PLEKHH3: variants seen among roughly 807,000 people sequenced by gnomAD.
PLEKHH3 encodes the protein pleckstrin homology domain-containing family H member 3.
PLEKHH3 carries 57 observed loss-of-function variants against 77.8 expected under a neutral mutation model. That is an observed-to-expected ratio of 0.73 (90% CI 0.59 to 0.91). The LOEUF (loss-of-function observed/expected upper bound fraction) is 0.91, where lower values mean the gene tolerates loss of function less well. PLEKHH3 is among the 40% of genes least tolerant of loss of function. PLEKHH3 has a pLI of 0.00. For missense variants in PLEKHH3, 1,082 were observed against 1,091.2 expected (o/e 0.99, Z 0.12); for synonymous variants, 467 against 504.8 (o/e 0.93, Z 1.00).
At position 42,676,234 on chromosome 17, in the gene PLEKHH3, G is replaced by A; in HGVS notation, c.162+168C>T. ...AGGCCCACAGGCACATCCCGAGTAG[G>A]GCTGCTGCTCCGAGAGCTCCCGGGG... On this transcript the variant is annotated intron_variant, in intron 1 of 12. Coordinates refer to ENST00000591022, the MANE Select transcript of PLEKHH3 (RefSeq NM_024927.5). This position sits in a 1 kb window ranked among gnomAD's most constrained non-coding sequence, Gnocchi z 6.6. 7.2e-7 allele frequency: 1 copy of A among 1,397,720 alleles called. No individual in the cohort carries two copies. The allele number at this position is 1,397,720 out of a possible 1,614,324, so 86.6% of individuals were successfully genotyped here. A position where few individuals can be genotyped will look rare whatever the true frequency, so the allele number is the denominator to read the frequency against.
Position 42,676,758 on chromosome 17 carries a change from T to G in PLEKHH3, c.-195A>C. 3.3e-6 allele frequency: 2 copies of G among 608,284 alleles called. No homozygotes were observed. The highest frequency in any genetic ancestry group is 5.8e-6 in the Non-Finnish European group (2 of 346,262). The allele number at this position is 608,284 out of a possible 1,614,324, so 37.7% of individuals were successfully genotyped here. On this transcript the variant is annotated 5_prime_UTR_variant, in exon 1 of 13. Coordinates refer to ENST00000591022, the MANE Select transcript of PLEKHH3 (RefSeq NM_024927.5). The surrounding 1 kb of genome is among the most constrained non-coding windows in gnomAD (Gnocchi z 6.6). ...TAGCCAGACGCTGAGGGGGGCTCAG[T>G]GTCTGGGCCCCCGGAGGGGGGAGGG...
chr17:42,672,041 G>A (rs1460784566), intron 7 of PLEKHH3, 45 bp downstream of exon 7: 1 of 1,409,464 alleles, frequency 7.1e-7, no homozygotes, highest in African/African-American at 1.5e-5. Flanking sequence ...CTCCCAGCCC[G>A]GTAGCTCCTC....
intron 1 of PLEKHH3, among the ~76,000 whole-genome samples, chr17:42,675,571 G>A (rs188591421): frequency 8.7e-4 from 132 of 152,248 alleles, no homozygotes; most frequent in African/African-American, 3.1e-3. Context: ...CGCCGGCCCC[G>A]GCGGCGCAGC....
Position 42,669,563 on chromosome 17 carries a change from G to C in PLEKHH3, c.2072C>G (p.Ser691Cys), listed in dbSNP as rs1290744101. The part of the protein sequence containing the change: ...LCLGLGAKAM[S>C]LSRPGETEPI... Reference sequence around the variant, plus strand: ...CTCCGTCTCCCCTGGCCGGGAGAGGGACATGGCCTTGGCTCCCAAGCCCAG... The same window carrying C: ...CTCCGTCTCCCCTGGCCGGGAGAGGCACATGGCCTTGGCTCCCAAGCCCAG... Residue 691 changes from serine to cysteine, a missense_variant, in exon 12 of 13, where the codon TCC becomes TGC. By Grantham distance (112) the Ser-to-Cys change is moderately radical. This residue lies in a region of PLEKHH3 where 733 missense variants were observed against 750.0 expected (regional missense o/e 0.98). Coordinates refer to ENST00000591022, the MANE Select transcript of PLEKHH3 (RefSeq NM_024927.5). 3 of 1,611,898 alleles carry C rather than the reference G, an allele frequency of 1.9e-6. No homozygotes were observed. In the African/African-American group the frequency reaches 4.0e-5, roughly 22 times the overall value.
At chr17:42,674,182 C>T (rs1472650396) in intron 2 of PLEKHH3, among the ~76,000 whole-genome samples, 169 bp from the exon 3 acceptor site, 2 of 152,298 alleles carry the variant, frequency 1.3e-5, no homozygotes, top group African/African-American at 2.4e-5. Context: ...CCCCGACCCC[C>T]CTCTTTCTCC....
Position 42,676,287 on chromosome 17 carries a change from C to T in PLEKHH3, c.162+115G>A, listed in dbSNP as rs950886031. ...TTTGGCCCCCAGGCAAAAAACTCTC[C>T]CTCATCCCTAGTTCGCCAAGCGCGC... is the stretch of plus-strand genomic sequence containing the variant. On this transcript the variant is annotated intron_variant, in intron 1 of 12. Transcript: ENST00000591022. This position sits in a 1 kb window ranked among gnomAD's most constrained non-coding sequence, Gnocchi z 6.6. 2.6e-6 allele frequency: 4 copies of T among 1,519,420 alleles called. No homozygotes were observed. Among genetic ancestry groups the T allele is most frequent in the Non-Finnish European group, 3.5e-6 (4 of 1,135,128 alleles). 94.1% of individuals were successfully genotyped at this position (1,519,420 alleles called of 1,614,324 possible). A position where few individuals can be genotyped will look rare whatever the true frequency, so the allele number is the denominator to read the frequency against.
chr17:42,676,364 G>A lies in PLEKHH3; in HGVS notation c.162+38C>T, dbSNP rs1259318251. 6.2e-7 allele frequency: 1 copy of A among 1,609,792 alleles called. No homozygotes were observed. The highest frequency in any genetic ancestry group is 2.2e-5 in the East Asian group (1 of 44,812). Reference sequence around the variant, plus strand: ...TCAGCGTGACGGCCGGTTACAGCGAGAGTGATTGAGACGAGGCTCCGAACC... The same window carrying A: ...TCAGCGTGACGGCCGGTTACAGCGAAAGTGATTGAGACGAGGCTCCGAACC... On this transcript the variant is annotated intron_variant, in intron 1 of 12. Coordinates refer to ENST00000591022, the MANE Select transcript of PLEKHH3 (RefSeq NM_024927.5). This position sits in a 1 kb window ranked among gnomAD's most constrained non-coding sequence, Gnocchi z 6.6.
At chr17:42,674,626 A>G (rs1414424319) in intron 1 of PLEKHH3, 4 of 420,094 alleles carry the variant, frequency 9.5e-6, no homozygotes, top group African/African-American at 6.1e-5. Flanking sequence ...TAAGGAGCCA[A>G]GGCTCCTCTC....
intron 12 of PLEKHH3, 129 bp from the exon 13 acceptor site, chr17:42,668,432 C>A: frequency 3.0e-6 from 2 of 671,866 alleles, no homozygotes; most frequent in East Asian, 6.6e-5. Flanking sequence ...TGCAACCTTT[C>A]CTTCCTTATC....
rs927531288 is a variant in PLEKHH3 at position 42,676,618 on chromosome 17, G to T, written c.-55C>A. ...GGCAGCCGCGGCCGAGCAGTAGGGG[G>T]TCGGAGGAACTGGCGGGGCTCCGAC... On this transcript the variant is annotated 5_prime_UTR_variant, in exon 1 of 13. Transcript: ENST00000591022. The surrounding 1 kb of genome is among the most constrained non-coding windows in gnomAD (Gnocchi z 6.6). 1 of 1,517,570 alleles carries T rather than the reference G, an allele frequency of 6.6e-7. No homozygotes were observed. The highest frequency in any genetic ancestry group is 8.9e-7 in the Non-Finnish European group (1 of 1,127,280). The allele number at this position is 1,517,570 out of a possible 1,614,324, so 94.0% of individuals were successfully genotyped here.
chr17:42,670,794 G>T, intron 9 of PLEKHH3, 89 bp from the exon 10 acceptor site: 3 of 1,530,412 alleles, frequency 2.0e-6, no homozygotes, highest in South Asian at 2.5e-5. Flanking sequence ...CATGTGTTTG[G>T]GGCGGGGCCT....
chr17:42,673,647 C>T lies in PLEKHH3; in HGVS notation c.486G>A (p.Glu162=), dbSNP rs758427830. The T allele has an allele frequency of 6.2e-6, 10 of 1,602,342 alleles. No individual in the cohort carries two copies. In the East Asian group the frequency reaches 1.8e-4, roughly 29 times the overall value. Residue 162 remains glutamate, a synonymous_variant, in exon 4 of 13, where the codon GAG becomes GAA. Coordinates refer to ENST00000591022, the MANE Select transcript of PLEKHH3 (RefSeq NM_024927.5). ...AGAGTCCCCAGGAGGTCTCACCTGT[C>T]TCCTTACGCCTGCGCTCTGGGCCGG... ...SVTGPERRRK[E]TGLWSVTVSG...
Position 42,668,162 on chromosome 17 carries a change from C to G in PLEKHH3, c.2347G>C (p.Gly783Arg), listed in dbSNP as rs1379070795. Residue 783 changes from glycine (G) to arginine (R), a missense_variant, in exon 13 of 13, where the codon GGA (glycine) becomes CGA (arginine). By Grantham distance (125) the Gly-to-Arg change is moderately radical. Coordinates refer to ENST00000591022, the MANE Select transcript of PLEKHH3 (RefSeq NM_024927.5). Reference protein sequence around the residue: ...SQRPGLDEPQGQSGCLGQLQD With the variant: ...SQRPGLDEPQRQSGCLGQLQD Reference sequence around the variant, plus strand: ...AGCTGCCCCAAGCAGCCAGACTGTCCCTGGGGCTCGTCCAGGCCCGGGCGC... The same window carrying G: ...AGCTGCCCCAAGCAGCCAGACTGTCGCTGGGGCTCGTCCAGGCCCGGGCGC... 1 of 1,505,468 alleles carries G rather than the reference C, an allele frequency of 6.6e-7. No individual in the cohort carries two copies. The highest frequency in any genetic ancestry group is 8.8e-7 in the Non-Finnish European group (1 of 1,134,932). 93.3% of individuals were successfully genotyped at this position (1,505,468 alleles called of 1,614,324 possible).
intron 11 of PLEKHH3, 74 bp downstream of exon 11, chr17:42,669,844 G>A (rs750658669): frequency 4.4e-6 from 7 of 1,580,720 alleles, no homozygotes; most frequent in East Asian, 2.3e-5. Flanking sequence ...GTGACACTCC[G>A]TGGGACCTGT....
Position 42,670,079 on chromosome 17 carries a change from G to A in PLEKHH3, c.1852C>T (p.Arg618Cys). ...GAGRTAGSIAREGGGGAGTAA... is the reference protein window; with the variant it reads ...GAGRTAGSIACEGGGGAGTAA... Reference sequence around the variant, plus strand: ...GTGCCGGCGCCGCCTCCTCCCTCGCGGGCAATGCTTCCCGCAGTGCGGCCG... The same window carrying A: ...GTGCCGGCGCCGCCTCCTCCCTCGCAGGCAATGCTTCCCGCAGTGCGGCCG... The change falls in exon 11 of 13, where the codon CGC (arginine) becomes TGC (cysteine). Residue 618 changes from arginine to cysteine, a missense_variant. Arg to Cys is a radical substitution (Grantham distance 180, BLOSUM62 -3). Coordinates refer to ENST00000591022, the MANE Select transcript of PLEKHH3 (RefSeq NM_024927.5). 1 of 1,444,890 alleles carries A rather than the reference G, an allele frequency of 6.9e-7. No homozygotes were observed. The allele number at this position is 1,444,890 out of a possible 1,614,324, so 89.5% of individuals were successfully genotyped here. A position where few individuals can be genotyped will look rare whatever the true frequency, so the allele number is the denominator to read the frequency against.
At position 42,670,288 on chromosome 17, in the gene PLEKHH3, C is replaced by T. The variant is rs781671587; in HGVS notation, c.1643G>A (p.Arg548Gln). The T allele has an allele frequency of 3.8e-6, 5 of 1,333,082 alleles. No homozygotes were observed. Among genetic ancestry groups the T allele is most frequent in the Non-Finnish European group, 4.8e-6 (5 of 1,047,382 alleles). The allele number at this position is 1,333,082 out of a possible 1,614,324, so 82.6% of individuals were successfully genotyped here. A position where few individuals can be genotyped will look rare whatever the true frequency, so the allele number is the denominator to read the frequency against. The change falls in exon 11 of 13, where the codon CGG (arginine) becomes CAG (glutamine). Residue 548 changes from arginine to glutamine, a missense_variant. Arg to Gln is a conservative substitution (Grantham distance 43). Coordinates refer to ENST00000591022, the MANE Select transcript of PLEKHH3 (RefSeq NM_024927.5). ...CAGGGGCACCCGCGGAGAGAAGTCC[C>T]GCTGCAGGCTCTGCAGGCGCAGCGC... ...LAALRLQSLQ[R>Q]DFSPRVPLPR...
At chr17:42,675,362 T>C (rs910690647) in intron 1 of PLEKHH3, among the ~76,000 whole-genome samples, 1 of 152,152 alleles carries the variant, frequency 6.6e-6, no homozygotes, top group Non-Finnish European at 1.5e-5. Context: ...AGCTGGAAGC[T>C]TGGGGACGCC....
At position 42,670,242 on chromosome 17, in the gene PLEKHH3, G is replaced by C; in HGVS notation, c.1689C>G (p.Leu563=). The C allele has an allele frequency of 8.1e-7, 1 of 1,228,492 alleles. No individual in the cohort carries two copies. The highest frequency in any genetic ancestry group is 3.8e-5 in the South Asian group (1 of 26,262). 76.1% of individuals were successfully genotyped at this position (1,228,492 alleles called of 1,614,324 possible). Residue 563 remains leucine (L), a synonymous_variant, in exon 11 of 13, where the codon CTC becomes CTG. Coordinates refer to ENST00000591022, the MANE Select transcript of PLEKHH3 (RefSeq NM_024927.5). The stretch of plus-strand genomic sequence containing the variant: ...CTTCGCGCGGCGGGGCCGGGGGCGG[G>C]AGCAGGCGGTCCAGGCGGGGCAGGG... ...RVPLPRLDRL[L]PPPAPPREDP...
At position 42,670,632 on chromosome 17, in the gene PLEKHH3, G is replaced by C. The variant is rs780833533; in HGVS notation, c.1495C>G (p.Pro499Ala). Residue 499 changes from proline to alanine, a missense_variant, in exon 10 of 13, where the codon CCT becomes GCT. Pro to Ala is a conservative substitution (Grantham distance 27, BLOSUM62 -1). Transcript: ENST00000591022. ...GWRLCLRLHG[P>A]LHPEGLSPDG... ...GGGGACAGCCCCTCAGGGTGCAGAG[G>C]TCCGTGAAGACGCAGACATAGTCTC... 6.8e-6 allele frequency: 11 copies of C among 1,613,206 alleles called. No homozygotes were observed. The highest frequency in any genetic ancestry group is 9.3e-6 in the Non-Finnish European group (11 of 1,179,918).
Sources: gnomAD v4.1 joint callset for allele counts (sites outside exome capture counted in the v4.1 genomes callset) on GRCh38, gnomAD v4.1.1 for gene constraint, gnomAD v4.1.1 regional missense constraint, Gnocchi (gnomAD v3.1) non-coding constraint, MANE v1.5 for transcripts, NCBI Gene and HGNC (gene_info 2026-07-23, HGNC 2026-07-21) for gene names.